The following MYOM2 variants were observed in gnomAD, a reference collection of about 807,000 sequenced individuals.
MYOM2 encodes the protein myomesin 2, also known as myomesin-2.
A neutral mutation model predicts 187.6 loss-of-function variants in MYOM2; 254 were observed. That is an observed-to-expected ratio of 1.35 (90% CI 1.22 to 1.50). MYOM2 has a LOEUF of 1.50. Among genes scored for constraint, MYOM2 ranks in the 40% most tolerant of loss-of-function variants. The pLI is 0.00. For missense variants in MYOM2, 2,796 were observed against 1,924.0 expected, an observed-to-expected ratio of 1.45 and a Z score of -8.48; for synonymous variants, 981 against 753.8, an observed-to-expected ratio of 1.30 and a Z score of -4.94.
At chr8:2,141,963 A>T (rs1035947428) in intron 34 of MYOM2, among the ~76,000 whole-genome samples, 10 of 152,114 alleles carry the variant, frequency 6.6e-5, no homozygotes, top group African/African-American at 9.7e-5. Flanking sequence ...TCCTTGGCCC[A>T]TGCTAGCTTA....
At chr8:2,061,845 G>C (rs943068719) in intron 6 of MYOM2, among the ~76,000 whole-genome samples, 2 of 152,228 alleles carry the variant, frequency 1.3e-5, no homozygotes, top group Non-Finnish European at 1.5e-5. Context: ...CTTGCTGTGT[G>C]CCTGGTGCTA....
At chr8:2,133,628 T>C (rs774513634) in intron 32 of MYOM2, among the ~76,000 whole-genome samples, 1 of 152,136 alleles carries the variant, frequency 6.6e-6, no homozygotes, top group African/African-American at 2.4e-5. Flanking sequence ...GCCTGGCTAA[T>C]TTTTGTATAT....
chr8:2,086,576 T>C (rs931505520), intron 14 of MYOM2, among the ~76,000 whole-genome samples: 3 of 148,528 alleles, frequency 2.0e-5, no homozygotes, highest in African/African-American at 7.5e-5. Context: ...CATCAGTGGG[T>C]CCAGACCCTG....
chr8:2,098,263 G>A (rs977375828), intron 18 of MYOM2, among the ~76,000 whole-genome samples: 2 of 152,168 alleles, frequency 1.3e-5, no homozygotes, highest in African/African-American at 4.8e-5. Flanking sequence ...GGGGAGTCGA[G>A]GCTCGTAGTG....
At chr8:2,111,029 G>A (rs941517102) in intron 25 of MYOM2, among the ~76,000 whole-genome samples, 1 of 152,224 alleles carries the variant, frequency 6.6e-6, no homozygotes, top group East Asian at 1.9e-4. Context: ...TCTGATCCAG[G>A]TAATTGGAGA....
At chr8:2,057,315 C>G in intron 3 of MYOM2, 33 bp from the exon 4 acceptor site, 4 of 1,581,210 alleles carry the variant, frequency 2.5e-6, no homozygotes, top group Non-Finnish European at 1.7e-6. Context: ...CTTCGTGACT[C>G]CTGCAACTGA....
intron 28 of MYOM2, among the ~76,000 whole-genome samples, chr8:2,123,002 GAAT>G (rs1267261641): frequency 6.6e-6 from 1 of 152,034 alleles, no homozygotes; most frequent in Non-Finnish European, 1.5e-5. Context: ...TCATGGACTA[GAAT>G]GACGAGAATC....
chr8:2,135,385 T>G (rs79898797), intron 32 of MYOM2, among the ~76,000 whole-genome samples: 19,763 of 152,136 alleles, frequency 0.13, 2,158 homozygotes, highest in African/African-American at 0.28. Context: ...GTTCGTATTT[T>G]GTTTTGGGTT....
At chr8:2,140,280 C>A (rs780980895) in intron 32 of MYOM2, among the ~76,000 whole-genome samples, 1 of 151,838 alleles carries the variant, frequency 6.6e-6, no homozygotes, top group Non-Finnish European at 1.5e-5. Flanking sequence ...CCATTCATCA[C>A]CAATGGACGC....
At position 2,050,885 on chromosome 8, in the gene MYOM2, T is replaced by C; in HGVS notation, c.107+12T>C. 6.3e-7 allele frequency: 1 copy of C among 1,591,240 alleles called. No individual in the cohort carries two copies. Among genetic ancestry groups the C allele is most frequent in the Non-Finnish European group, 8.6e-7 (1 of 1,159,780 alleles). On this transcript the variant is annotated intron_variant, in intron 2 of 36. Transcript: ENST00000262113. Reference sequence around the variant, plus strand: ...TATGCGTCAAAAAAGTAAGCTGACATTCGCTGATGAGACGCGCAGAGCTTT... The same window carrying C: ...TATGCGTCAAAAAAGTAAGCTGACACTCGCTGATGAGACGCGCAGAGCTTT...
In MYOM2 at chr8:2,142,396, G is replaced by T; in HGVS notation, c.4023G>T (p.Lys1341Asn). The T allele has an allele frequency of 6.2e-7, 1 of 1,613,850 alleles. No homozygotes were observed. The highest frequency in any genetic ancestry group is 8.5e-7 in the Non-Finnish European group (1 of 1,179,718). Residue 1341 changes from lysine to asparagine, a missense_variant and splice_region_variant, in exon 35 of 37, where the codon AAG becomes AAT. Coordinates refer to ENST00000262113, the MANE Select transcript of MYOM2 (RefSeq NM_003970.4). Reference sequence around the variant, plus strand: ...TTAGAGCTGCTGCTTTTGCAGAGAAGAGTAAGTACCTGTTGGATTGTAACC... The same window carrying T: ...TTAGAGCTGCTGCTTTTGCAGAGAATAGTAAGTACCTGTTGGATTGTAACC... ...QQFKAAAFAE[K>N]NRGRLIGGLP...
intron 32 of MYOM2, among the ~76,000 whole-genome samples, chr8:2,137,071 T>TCA (rs902107352): frequency 1.3e-5 from 2 of 151,560 alleles, no homozygotes. Context: ...TCTCTCTTTC[T>TCA]CACACACACA....
chr8:2,049,576 G>T (rs541545333), intron 1 of MYOM2, among the ~76,000 whole-genome samples: 37 of 152,302 alleles, frequency 2.4e-4, no homozygotes, highest in Non-Finnish European at 4.6e-4. Flanking sequence ...CCCGGGATGT[G>T]GGTGGCACCC....
chr8:2,049,785 T>C (rs114058650), intron 1 of MYOM2, among the ~76,000 whole-genome samples: 2,882 of 152,310 alleles, frequency 0.019, 34 homozygotes, highest in Middle Eastern at 0.051. Context: ...ACTCAGCACG[T>C]TGGCATTTTA....
chr8:2,096,539 A>G, intron 18 of MYOM2, 105 bp downstream of exon 18: 2 of 1,010,168 alleles, frequency 2.0e-6, no homozygotes, highest in Non-Finnish European at 2.9e-6. Context: ...TACAGACACA[A>G]AAATGGATTA....
At chr8:2,053,779 G>T (rs970943395) in intron 3 of MYOM2, among the ~76,000 whole-genome samples, 9 of 152,212 alleles carry the variant, frequency 5.9e-5, no homozygotes, top group African/African-American at 2.2e-4. Context: ...CGAAGGCTAG[G>T]CACTTTCTCA....
chr8:2,075,138 A>G (rs1195329894), intron 10 of MYOM2, among the ~76,000 whole-genome samples: 2 of 152,192 alleles, frequency 1.3e-5, no homozygotes, highest in African/African-American at 2.4e-5. Flanking sequence ...AGAAATGTCA[A>G]CCAAACGTAT....
At chr8:2,085,735 T>C (rs1181160269) in intron 14 of MYOM2, among the ~76,000 whole-genome samples, 16 of 1,282 alleles carry the variant, frequency 0.012, 1 homozygote, top group Non-Finnish European at 0.024. Flanking sequence ...CCCCCACTGT[T>C]GTGATCTCTG....
chr8:2,066,560 TA>T (rs1384061216), intron 6 of MYOM2, among the ~76,000 whole-genome samples: 1 of 152,184 alleles, frequency 6.6e-6, no homozygotes, highest in Non-Finnish European at 1.5e-5. Flanking sequence ...TTAGAAGAAG[TA>T]ACATGAGCAC....
Sources: gnomAD v4.1 joint callset for allele counts (sites outside exome capture counted in the v4.1 genomes callset) on GRCh38, gnomAD v4.1.1 for gene constraint, MANE v1.5 for transcripts, NCBI Gene and HGNC (gene_info 2026-07-23, HGNC 2026-07-21) for gene names.